Variants in ANKRD44 observed in about 807,000 individuals in gnomAD.
ANKRD44 encodes the protein ankyrin repeat domain 44, also known as serine/threonine-protein phosphatase 6 regulatory ankyrin repeat subunit B.
Under a neutral mutation model 116.0 loss-of-function variants are expected in ANKRD44, and 35 were observed. That is an observed-to-expected ratio of 0.30 (90% confidence interval 0.23 to 0.40). The LOEUF is 0.40. ANKRD44 is among the 10% of genes least tolerant of loss of function. ANKRD44 has a pLI of 1.00. For missense variants in ANKRD44, 1,014 were observed against 1,242.6 expected, an observed-to-expected ratio of 0.82 and a Z score of 2.77; for synonymous variants, 435 against 461.8, an observed-to-expected ratio of 0.94 and a Z score of 0.74.
chr2:197,268,719 C>T (rs2082806306), intron 1 of ANKRD44, among the ~76,000 whole-genome samples: 1 of 152,168 alleles, frequency 6.6e-6, no homozygotes, highest in Non-Finnish European at 1.5e-5. Flanking sequence ...TGTATGTCTG[C>T]ATGCATCTGC....
intron 24 of ANKRD44, 86 bp downstream of exon 24, chr2:196,998,821 A>G: frequency 6.4e-7 from 1 of 1,558,904 alleles, no homozygotes; most frequent in Non-Finnish European, 8.7e-7. Flanking sequence ...ACGTGTATAT[A>G]CTATGAGAAC....
downstream of ANKRD44, among the ~76,000 whole-genome samples, chr2:196,985,519 A>C (rs962915735): frequency 6.6e-6 from 1 of 152,226 alleles, no homozygotes; most frequent in African/African-American, 2.4e-5. Flanking sequence ...AACCTCCCTT[A>C]ACATTTCTGG....
chr2:197,295,036 G>GA (rs1185524107), intron 1 of ANKRD44, among the ~76,000 whole-genome samples: 1 of 151,780 alleles, frequency 6.6e-6, no homozygotes, highest in Non-Finnish European at 1.5e-5. Context: ...TAGGCAGAGG[G>GA]AAAAAAAAGT....
chr2:197,242,952 C>A (rs2082120385), intron 1 of ANKRD44, among the ~76,000 whole-genome samples: 1 of 152,200 alleles, frequency 6.6e-6, no homozygotes, highest in African/African-American at 2.4e-5. Flanking sequence ...TCCTTTGCTT[C>A]CAGACCTGGA....
At chr2:197,075,583 T>C (rs545274662) in intron 16 of ANKRD44, among the ~76,000 whole-genome samples, 26 of 152,240 alleles carry the variant, frequency 1.7e-4, no homozygotes, top group Non-Finnish European at 3.1e-4. Flanking sequence ...ATAGGTAGAC[T>C]TGGCAGAATT....
At chr2:197,237,689 G>T (rs2082006498) in intron 1 of ANKRD44, among the ~76,000 whole-genome samples, 1 of 152,070 alleles carries the variant, frequency 6.6e-6, no homozygotes, top group South Asian at 2.1e-4. Context: ...ATGTCCCAGA[G>T]CATCACTCCC....
intron 16 of ANKRD44, among the ~76,000 whole-genome samples, chr2:197,035,748 T>C (rs1359137392): frequency 6.6e-6 from 1 of 151,716 alleles, no homozygotes; most frequent in African/African-American, 2.4e-5. Flanking sequence ...GTGTCAACTG[T>C]GCAGCCAGTA....
Position 197,218,751 on chromosome 2 carries a change from C to CTTTTTTTTTTTTTTTTTTTTT in ANKRD44, c.28-31666_28-31646dup, listed in dbSNP as rs138330364. ...TTCCTGGTATGGGAGGGTAAAGTCC[C>CTTTTTTTTTTTTTTTTTTTTT]TTTTTTTTTTTTTTTTTTTTTTTTT... On this transcript the variant is annotated intron_variant, in intron 1 of 27. Transcript: ENST00000282272. Among the ~76,000 whole-genome samples, 67 of 52,342 alleles carry CTTTTTTTTTTTTTTTTTTTTT rather than the reference C, an allele frequency of 1.3e-3. 15 individuals are homozygous for CTTTTTTTTTTTTTTTTTTTTT. The highest frequency in any genetic ancestry group is 1.4e-3 in the Non-Finnish European group (39 of 28,400). The allele number at this position is 52,342 out of a possible 152,430, so 34.3% of individuals were successfully genotyped here.
At chr2:196,977,535 G>C (rs1024091345) in intron 21 of ANKRD44, among the ~76,000 whole-genome samples, 2 of 152,180 alleles carry the variant, frequency 1.3e-5, no homozygotes, top group African/African-American at 4.8e-5. Context: ...AATGGGCAAA[G>C]GATTTGAACA....
intron 16 of ANKRD44, among the ~76,000 whole-genome samples, chr2:197,031,095 C>T (rs2076698002): frequency 6.6e-6 from 1 of 152,062 alleles, no homozygotes; most frequent in Admixed American, 6.6e-5. Flanking sequence ...CTCTTTTTCT[C>T]CCTGTAAATC....
At chr2:197,306,409 T>C (rs2084076399) in intron 1 of ANKRD44, among the ~76,000 whole-genome samples, 1 of 152,168 alleles carries the variant, frequency 6.6e-6, no homozygotes, top group Admixed American at 6.5e-5. Flanking sequence ...CTAGTGTGGC[T>C]ATGAGGATTA....
chr2:197,086,944 AGCT>A (rs2077939340), intron 12 of ANKRD44, among the ~76,000 whole-genome samples, 196 bp from the exon 13 acceptor site: 1 of 152,202 alleles, frequency 6.6e-6, no homozygotes, highest in Non-Finnish European at 1.5e-5. Flanking sequence ...CCTTTTTCAA[AGCT>A]AATAAATCAA....
chr2:197,208,431 G>C (rs1348248453), intron 1 of ANKRD44, among the ~76,000 whole-genome samples: 1 of 152,212 alleles, frequency 6.6e-6, no homozygotes, highest in Non-Finnish European at 1.5e-5. Flanking sequence ...AGGTGGTTCA[G>C]TTCCCAGTGA....
chr2:197,160,999 G>A (rs1353615736), intron 2 of ANKRD44, among the ~76,000 whole-genome samples: 1 of 152,108 alleles, frequency 6.6e-6, no homozygotes, highest in African/African-American at 2.4e-5. Context: ...AGGTCCTCAG[G>A]CAGATAACCA....
In ANKRD44 at chr2:196,988,382, C is replaced by T. The variant is rs2075863294; in HGVS notation, c.*1209G>A. On this transcript the variant is annotated 3_prime_UTR_variant, in exon 28 of 28. Transcript: ENST00000282272. ...TCTGCTTTTTAAAAATTCATCTTCT[C>T]TAAACAAACGAAAAGGACAGAAGGT... 1 of 985,234 alleles carries T rather than the reference C, an allele frequency of 1.0e-6. No individual in the cohort carries two copies. 61.0% of individuals were successfully genotyped at this position (985,234 alleles called of 1,614,324 possible).
chr2:197,275,515 A>C (rs1306212565), intron 1 of ANKRD44, among the ~76,000 whole-genome samples: 1 of 151,836 alleles, frequency 6.6e-6, no homozygotes, highest in Non-Finnish European at 1.5e-5. Context: ...GTATTCAAAG[A>C]CTGGTAGTTC....
intron 10 of ANKRD44, among the ~76,000 whole-genome samples, chr2:197,092,497 A>G (rs2078064606): frequency 6.6e-6 from 1 of 152,236 alleles, no homozygotes; most frequent in African/African-American, 2.4e-5. Flanking sequence ...CAATTCTGAC[A>G]GCAATTAACC....
At chr2:197,003,090 T>G (rs1455536533) in intron 21 of ANKRD44, among the ~76,000 whole-genome samples, 1 of 151,770 alleles carries the variant, frequency 6.6e-6, no homozygotes, top group Admixed American at 6.6e-5. Flanking sequence ...GCGAATTACT[T>G]GAGGTCAGGA....
At chr2:197,251,778 T>TA (rs535494507) in intron 1 of ANKRD44, among the ~76,000 whole-genome samples, 87 of 152,360 alleles carry the variant, frequency 5.7e-4, no homozygotes, top group Non-Finnish European at 1.1e-3. Context: ...CGTCTAGACT[T>TA]ACACTTGGGC....
Sources: gnomAD v4.1 joint callset for allele counts (sites outside exome capture counted in the v4.1 genomes callset) on GRCh38, gnomAD v4.1.1 for gene constraint, MANE v1.5 for transcripts, NCBI Gene and HGNC (gene_info 2026-07-23, HGNC 2026-07-21) for gene names.